The following RCSD1 variants were observed in gnomAD, a reference collection of about 807,000 sequenced individuals.
RCSD1 encodes the protein capZ-interacting protein.
Under a neutral mutation model 42.5 loss-of-function variants are expected in RCSD1, and 26 were observed. The observed-to-expected ratio is 0.61, with a 90% CI of 0.45 to 0.85. The LOEUF (loss-of-function observed/expected upper bound fraction) is 0.85, where lower values mean the gene tolerates loss of function less well. Ranked by LOEUF, RCSD1 falls within the 40% of genes least tolerant of loss-of-function variation. The pLI is 0.00. For synonymous variants in RCSD1, 220 were observed against 212.2 expected (o/e 1.04, Z -0.32); for missense variants, 571 against 528.3 (o/e 1.08, Z -0.79).
chr1:167,667,013 C>T (rs1194360257), intron 1 of RCSD1, among the ~76,000 whole-genome samples: 1 of 152,210 alleles, frequency 6.6e-6, no homozygotes, highest in South Asian at 2.1e-4. Flanking sequence ...AGCTGGATGG[C>T]TTTTGTTTCT....
Position 167,707,587 on chromosome 1 carries a change from T to C in RCSD1, c.*2891T>C, listed in dbSNP as rs767745185. Among the ~76,000 whole-genome samples the C allele has an allele frequency of 5.3e-5, 8 of 152,324 alleles. No homozygotes were observed. In the East Asian group the frequency reaches 1.5e-3, roughly 29 times the overall value. The stretch of plus-strand genomic sequence containing the variant: ...TCCCTCGTATTGGCCATATTCTTTT[T>C]TTTTTCTTTTTTAAAAACTTATTTA... On this transcript the variant is annotated 3_prime_UTR_variant, in exon 7 of 7. Coordinates refer to ENST00000367854, the MANE Select transcript of RCSD1 (RefSeq NM_052862.4).
intron 5 of RCSD1, among the ~76,000 whole-genome samples, chr1:167,695,239 C>G (rs1275336397): frequency 1.3e-5 from 2 of 152,242 alleles, no homozygotes; most frequent in East Asian, 3.8e-4. Flanking sequence ...TCAGAGAGAG[C>G]CGCATCTTCT....
At chr1:167,670,459 G>C (rs1406340756) in intron 1 of RCSD1, among the ~76,000 whole-genome samples, 1 of 151,900 alleles carries the variant, frequency 6.6e-6, no homozygotes, top group Non-Finnish European at 1.5e-5. Flanking sequence ...GGTGGGAAAA[G>C]GAAAGAGAAG....
intron 1 of RCSD1, among the ~76,000 whole-genome samples, chr1:167,635,659 T>G (rs552393939): frequency 1.2e-4 from 19 of 152,284 alleles, no homozygotes; most frequent in Non-Finnish European, 2.1e-4. Flanking sequence ...GCAGCTCCGC[T>G]TTTCTCCAGT....
At chr1:167,694,427 G>C in intron 5 of RCSD1, 125 bp downstream of exon 5, 1 of 901,502 alleles carries the variant, frequency 1.1e-6, no homozygotes, top group Non-Finnish European at 1.7e-6. Flanking sequence ...TCAGAGCTGC[G>C]TGTTAACCCA....
intron 1 of RCSD1, among the ~76,000 whole-genome samples, chr1:167,632,377 A>G (rs1657725300): frequency 6.6e-6 from 1 of 152,212 alleles, no homozygotes; most frequent in Non-Finnish European, 1.5e-5. Flanking sequence ...TGGAGGGCCA[A>G]ATGCAAGTGT....
intron 1 of RCSD1, chr1:167,633,633 T>C (rs1216947348): frequency 6.6e-6 from 1 of 152,204 alleles, no homozygotes; most frequent in Non-Finnish European, 1.5e-5. Context: ...CGGGTGGCTT[T>C]TTCTAATTCA....
chr1:167,639,148 C>T (rs928123941), intron 1 of RCSD1, among the ~76,000 whole-genome samples: 15 of 152,106 alleles, frequency 9.9e-5, no homozygotes, highest in East Asian at 3.9e-4. Context: ...ACCCGGGAAG[C>T]GGAGGTTGCA....
chr1:167,642,589 T>C (rs3738226), intron 1 of RCSD1, among the ~76,000 whole-genome samples: 106,100 of 152,054 alleles, frequency 0.7, 37,151 homozygotes, highest in East Asian at 0.8. Flanking sequence ...TTTCTCAAGT[T>C]TCTTAGTCCT....
At chr1:167,674,408 C>T (rs768667430) in intron 1 of RCSD1, among the ~76,000 whole-genome samples, 1 of 152,172 alleles carries the variant, frequency 6.6e-6, no homozygotes, top group Non-Finnish European at 1.5e-5. Context: ...CCATTGGCCC[C>T]TCCTACCCAC....
chr1:167,679,573 A>G (rs144985814), intron 1 of RCSD1, among the ~76,000 whole-genome samples: 52 of 152,322 alleles, frequency 3.4e-4, no homozygotes, highest in African/African-American at 1.2e-3. Context: ...TGGAGGAGTG[A>G]AGAAGCAAAC....
chr1:167,693,195 C>T (rs1022724353), intron 4 of RCSD1, among the ~76,000 whole-genome samples: 5 of 152,200 alleles, frequency 3.3e-5, no homozygotes, highest in African/African-American at 4.8e-5. Context: ...TCTCCTGGTT[C>T]GGCACTGCCA....
intron 1 of RCSD1, among the ~76,000 whole-genome samples, chr1:167,632,617 T>C (rs1657732854): frequency 7.1e-6 from 1 of 140,036 alleles, no homozygotes; most frequent in Non-Finnish European, 1.6e-5. Flanking sequence ...ACTCCCGTGC[T>C]AGGGTTTGGG....
chr1:167,701,852 A>C (rs1248509241), intron 6 of RCSD1, among the ~76,000 whole-genome samples: 3 of 152,196 alleles, frequency 2.0e-5, no homozygotes, highest in African/African-American at 7.2e-5. Flanking sequence ...TGCAAAAGGA[A>C]CCATCAGTAA....
In RCSD1 at chr1:167,630,443, G is replaced by A; in HGVS notation, c.6+14G>A. 6.5e-7 allele frequency: 1 copy of A among 1,540,106 alleles called. No homozygotes were observed. The highest frequency in any genetic ancestry group is 8.8e-7 in the Non-Finnish European group (1 of 1,141,438). The stretch of plus-strand genomic sequence containing the variant: ...AAGGACATGGAGGTAAAGGACCCCG[G>A]AGGGAGACGCGGGGCTGAGCGGTGA... On this transcript the variant is annotated intron_variant, in intron 1 of 6. Transcript: ENST00000367854.
chr1:167,693,636 A>C (rs542975737), intron 4 of RCSD1, among the ~76,000 whole-genome samples: 2 of 152,330 alleles, frequency 1.3e-5, no homozygotes, highest in African/African-American at 4.8e-5. Context: ...CAATGAGAAC[A>C]CAGCTGAACG....
chr1:167,691,835 G>T (rs1659384511), intron 4 of RCSD1, among the ~76,000 whole-genome samples: 1 of 152,178 alleles, frequency 6.6e-6, no homozygotes, highest in Non-Finnish European at 1.5e-5. Flanking sequence ...GAATAGGGTG[G>T]TGCTACCTGT....
At chr1:167,633,061 G>C (rs1022550351) in intron 1 of RCSD1, among the ~76,000 whole-genome samples, 2 of 152,162 alleles carry the variant, frequency 1.3e-5, no homozygotes, top group Admixed American at 6.5e-5. Context: ...ATCCAAACCA[G>C]ACCAAAGAGG....
Position 167,643,166 on chromosome 1 carries a change from G to A in RCSD1, c.6+12737G>A, listed in dbSNP as rs1056276866. 7.2e-5 allele frequency among the ~76,000 whole-genome samples: 11 copies of A among 152,170 alleles called. No individual in the cohort carries two copies. The East Asian group carries it at 7.7e-4, about 11-fold the overall frequency. ...ATATCTTATGAAAGTACCTTGAAGC[G>A]TTCAATTATTTCACAAATGCATGGT... is the stretch of plus-strand genomic sequence containing the variant. On this transcript the variant is annotated intron_variant, in intron 1 of 6. Coordinates refer to ENST00000367854, the MANE Select transcript of RCSD1 (RefSeq NM_052862.4).
Sources: gnomAD v4.1 joint callset for allele counts (sites outside exome capture counted in the v4.1 genomes callset) on GRCh38, gnomAD v4.1.1 for gene constraint, MANE v1.5 for transcripts, NCBI Gene and HGNC (gene_info 2026-07-23, HGNC 2026-07-21) for gene names.